The following VGLL4 variants were observed in gnomAD, a reference collection of about 807,000 sequenced individuals.
VGLL4 encodes the protein vestigial like family member 4, also known as transcription cofactor vestigial-like protein 4.
VGLL4 carries 7 observed loss-of-function variants against 21.0 expected under a neutral mutation model. That is an observed-to-expected ratio of 0.33 (90% CI 0.19 to 0.63). The LOEUF is 0.63. VGLL4 is among the 20% of genes least tolerant of loss of function. VGLL4 has a pLI of 0.78. For synonymous variants in VGLL4, 222 were observed against 173.2 expected, an observed-to-expected ratio of 1.28 and a Z score of -2.21; for missense variants, 394 against 425.7, an observed-to-expected ratio of 0.93 and a Z score of 0.66.
chr3:11,706,129 C>T lies in VGLL4; in HGVS notation c.-13-3082G>A, dbSNP rs77693155. Among the ~76,000 whole-genome samples, 345 of 152,248 alleles carry T rather than the reference C, an allele frequency of 2.3e-3. 1 individual carries two copies. The highest frequency in any genetic ancestry group is 7.5e-3 in the African/African-American group (313 of 41,552). On this transcript the variant is annotated intron_variant, in intron 1 of 5. Transcript: ENST00000273038. ...TATGCACAGAAACAAAATATCAAAG[C>T]ATAAAAGTATCAAATGACATAAGGT...
Position 11,565,030 on chromosome 3 carries a change from G to C in VGLL4, c.273-11C>G. The C allele has an allele frequency of 6.8e-7, 1 of 1,472,336 alleles. No individual in the cohort carries two copies. Among genetic ancestry groups the C allele is most frequent in the Non-Finnish European group, 9.0e-7 (1 of 1,113,400 alleles). The allele number at this position is 1,472,336 out of a possible 1,614,324, so 91.2% of individuals were successfully genotyped here. A position where few individuals can be genotyped will look rare whatever the true frequency, so the allele number is the denominator to read the frequency against. ...TTGGCAGTCTTGTTCCTGAAAAAGAGGAATGGGCATTCAGGGGGCGTTTTC... is the reference window on the plus strand; with the variant it reads ...TTGGCAGTCTTGTTCCTGAAAAAGACGAATGGGCATTCAGGGGGCGTTTTC... On this transcript the variant is annotated splice_polypyrimidine_tract_variant and intron_variant, in intron 2 of 4. Transcript: ENST00000430365. This position sits in a 1 kb window ranked among gnomAD's most constrained non-coding sequence, Gnocchi z 4.1.
At chr3:11,677,341 G>A (rs1054321314) in intron 2 of VGLL4, among the ~76,000 whole-genome samples, 32 of 151,542 alleles carry the variant, frequency 2.1e-4, no homozygotes, top group African/African-American at 7.8e-4. Context: ...GTGTGATCAT[G>A]GTTCACCATA....
rs146864023 is a variant in VGLL4 at position 11,696,390 on chromosome 3, G to A, written c.64+6581C>T. ...CTATTTGTCTCCCTCCTGTGCTCTG[G>A]GGCATGCCTGCCCCTTTGCTGTACC... On this transcript the variant is annotated intron_variant, in intron 2 of 5. Transcript: ENST00000273038. 3.9e-3 allele frequency among the ~76,000 whole-genome samples: 589 copies of A among 152,222 alleles called. 5 individuals are homozygous for A. The highest frequency in any genetic ancestry group is 0.013 in the African/African-American group (550 of 41,528).
intron 2 of VGLL4, among the ~76,000 whole-genome samples, chr3:11,675,578 T>C: frequency 6.6e-6 from 1 of 152,136 alleles, no homozygotes; most frequent in East Asian, 1.9e-4. Context: ...TATAAAAGTG[T>C]AATATATAAG....
intron 1 of VGLL4, among the ~76,000 whole-genome samples, chr3:11,617,946 C>A (rs1186250867): frequency 6.6e-6 from 1 of 152,162 alleles, no homozygotes; most frequent in Non-Finnish European, 1.5e-5. Flanking sequence ...TACTCATTTT[C>A]TTTAAACAAT....
chr3:11,575,834 A>T (rs2004837), intron 2 of VGLL4, among the ~76,000 whole-genome samples: 38 of 152,248 alleles, frequency 2.5e-4, no homozygotes, highest in Middle Eastern at 3.4e-3. Flanking sequence ...CCCATATCCA[A>T]TTCCAGCATT....
At chr3:11,687,478 TG>T (rs2076466740) in intron 2 of VGLL4, among the ~76,000 whole-genome samples, 2 of 152,170 alleles carry the variant, frequency 1.3e-5, no homozygotes, top group Admixed American at 1.3e-4. Flanking sequence ...TTTTTGTTTT[TG>T]TTTTTTTGTT....
intron 2 of VGLL4, among the ~76,000 whole-genome samples, chr3:11,591,888 G>A (rs955850921): frequency 6.6e-6 from 1 of 152,218 alleles, no homozygotes; most frequent in Non-Finnish European, 1.5e-5. Flanking sequence ...CAAAGTGGGG[G>A]GATGCTAAAG....
chr3:11,630,233 T>C (rs1176356571), intron 1 of VGLL4, among the ~76,000 whole-genome samples: 2 of 152,256 alleles, frequency 1.3e-5, no homozygotes, highest in African/African-American at 2.4e-5. Context: ...AGTGTCATAA[T>C]AGGCATTCCA....
At chr3:11,570,676 C>A (rs2073739470) in intron 2 of VGLL4, among the ~76,000 whole-genome samples, 1 of 152,178 alleles carries the variant, frequency 6.6e-6, no homozygotes, top group African/African-American at 2.4e-5. Flanking sequence ...TGACTGGTGG[C>A]AAAGACTTTT....
chr3:11,696,966 C>T (rs890704504), intron 2 of VGLL4, among the ~76,000 whole-genome samples: 1 of 152,190 alleles, frequency 6.6e-6, no homozygotes, highest in African/African-American at 2.4e-5. Flanking sequence ...TGGTCTCAAA[C>T]TCCTGGGCTC....
chr3:11,589,346 C>T (rs1039171359), intron 2 of VGLL4, among the ~76,000 whole-genome samples: 12 of 152,056 alleles, frequency 7.9e-5, no homozygotes, highest in African/African-American at 2.9e-4. Flanking sequence ...CCTCAAGTTT[C>T]CTCAATTTCT....
At chr3:11,683,038 C>T (rs537414777) in intron 2 of VGLL4, among the ~76,000 whole-genome samples, 44 of 152,134 alleles carry the variant, frequency 2.9e-4, no homozygotes, top group African/African-American at 9.2e-4. Context: ...GACCAAATGG[C>T]CAACATGGTG....
intron 2 of VGLL4, among the ~76,000 whole-genome samples, chr3:11,660,964 C>T (rs888859617): frequency 6.6e-5 from 10 of 152,124 alleles, no homozygotes; most frequent in Non-Finnish European, 1.0e-4. Flanking sequence ...ACAAAAGCAG[C>T]CCATGATGCA....
At chr3:11,631,283 C>T (rs1367515732) in intron 1 of VGLL4, among the ~76,000 whole-genome samples, 2 of 152,116 alleles carry the variant, frequency 1.3e-5, no homozygotes, top group Non-Finnish European at 2.9e-5. Flanking sequence ...GGGTAGTCAG[C>T]CCCAATCAAA....
chr3:11,601,794 G>C (rs370593963), intron 2 of VGLL4, 39 bp downstream of exon 2: 51 of 1,607,596 alleles, frequency 3.2e-5, no homozygotes, highest in Non-Finnish European at 4.2e-5. Flanking sequence ...GCCCCAGCAC[G>C]GAGCACCCTT....
intron 1 of VGLL4, among the ~76,000 whole-genome samples, chr3:11,635,293 G>C (rs2075564797): frequency 6.6e-6 from 1 of 152,166 alleles, no homozygotes. Flanking sequence ...TTTAAAGTTG[G>C]GAGAGACTTG....
At chr3:11,677,184 G>A (rs1478852032) in intron 2 of VGLL4, among the ~76,000 whole-genome samples, 1 of 152,126 alleles carries the variant, frequency 6.6e-6, no homozygotes, top group Non-Finnish European at 1.5e-5. Context: ...GAGAACTATT[G>A]AGTTAATGGT....
At chr3:11,676,906 T>G (rs1170121380) in intron 2 of VGLL4, among the ~76,000 whole-genome samples, 3 of 152,204 alleles carry the variant, frequency 2.0e-5, no homozygotes, top group Non-Finnish European at 4.4e-5. Context: ...TTTGATCACT[T>G]TGTATTTAAT....
Sources: gnomAD v4.1 joint callset for allele counts (sites outside exome capture counted in the v4.1 genomes callset) on GRCh38, gnomAD v4.1.1 for gene constraint, Gnocchi (gnomAD v3.1) non-coding constraint, MANE v1.5 for transcripts, NCBI Gene and HGNC (gene_info 2026-07-23, HGNC 2026-07-21) for gene names.